TGM3: variants seen among roughly 807,000 people sequenced by gnomAD.
The protein encoded by TGM3 is protein-glutamine gamma-glutamyltransferase E.
Under a neutral mutation model 73.8 loss-of-function variants are expected in TGM3, and 52 were observed. That is an observed-to-expected ratio of 0.70 (90% CI 0.56 to 0.89). The LOEUF (loss-of-function observed/expected upper bound fraction) is 0.89, where lower values mean the gene tolerates loss of function less well. Among genes scored for constraint, TGM3 ranks in the 40% least tolerant of loss-of-function variants. TGM3 has a pLI of 0.00. For synonymous variants in TGM3, 372 were observed against 354.9 expected (o/e 1.05, Z -0.54); for missense variants, 928 against 909.9 (o/e 1.02, Z -0.26).
At position 2,311,043 on chromosome 20, in the gene TGM3, A is replaced by G; in HGVS notation, c.454A>G (p.Arg152Gly). 6.2e-7 allele frequency: 1 copy of G among 1,614,108 alleles called. No individual in the cohort carries two copies. The highest frequency in any genetic ancestry group is 8.5e-7 in the Non-Finnish European group (1 of 1,179,982). Residue 152 changes from arginine (R) to glycine (G), a missense_variant, in exon 4 of 13, where the codon AGA becomes GGA. Physicochemically the swap from Arg to Gly is moderately radical, Grantham distance 125. Transcript: ENST00000381458. Reference protein sequence around the residue: ...DSVFMGNHAEREEYVQEDAGI... With the variant: ...DSVFMGNHAEGEEYVQEDAGI... ...CGTCTTTATGGGTAACCACGCTGAGAGAGAAGAGTATGTTCAGGAAGATGC... is the reference window on the plus strand; with the variant it reads ...CGTCTTTATGGGTAACCACGCTGAGGGAGAAGAGTATGTTCAGGAAGATGC...
rs146549389 is a variant in TGM3 at position 2,321,382 on chromosome 20, T to C, written c.983+3897T>C. On this transcript the variant is annotated intron_variant, in intron 7 of 12. Coordinates refer to ENST00000381458, the MANE Select transcript of TGM3 (RefSeq NM_003245.4). ...AGTCAGAGACAGCACAGAGGTATTA[T>C]TGGCACTCTCTTGGCGTGTCAGGAA... 2.5e-3 allele frequency among the ~76,000 whole-genome samples: 382 copies of C among 152,318 alleles called. 2 individuals carry two copies. The highest frequency in any genetic ancestry group is 8.1e-3 in the African/African-American group (335 of 41,560).
In TGM3 at chr20:2,339,967, G is replaced by C. The variant is rs144898218; in HGVS notation, c.1914G>C (p.Leu638=). Residue 638 remains leucine (L), a synonymous_variant, in exon 12 of 13, where the codon CTG becomes CTC. Transcript: ENST00000381458. The part of the protein sequence containing the change: ...CVLMVEGSGL[L]LGNLKIDVPT... ...TGATGGTGGAGGGAAGCGGCCTGCTGTTGGGTAACCTGAAGATCGAGTGAG... is the reference window on the plus strand; with the variant it reads ...TGATGGTGGAGGGAAGCGGCCTGCTCTTGGGTAACCTGAAGATCGAGTGAG... 9.1e-4 allele frequency: 1,352 copies of C among 1,477,794 alleles called. 2 individuals are homozygous for C. The highest frequency in any genetic ancestry group is 1.1e-3 in the Non-Finnish European group (1,241 of 1,095,608). 91.5% of individuals were successfully genotyped at this position (1,477,794 alleles called of 1,614,324 possible).
At chr20:2,325,723 C>T (rs995993229) in intron 7 of TGM3, 126 bp from the exon 8 acceptor site, 15 of 706,348 alleles carry the variant, frequency 2.1e-5, no homozygotes, top group African/African-American at 8.7e-5. Context: ...GCATAACCGC[C>T]GTCACAGGGC....
chr20:2,335,914 G>A (rs768426633), intron 11 of TGM3, among the ~76,000 whole-genome samples: 3 of 152,206 alleles, frequency 2.0e-5, no homozygotes, highest in African/African-American at 7.2e-5. Context: ...GCTGGCCACC[G>A]CCAGAGTCAA....
intron 1 of TGM3, among the ~76,000 whole-genome samples, chr20:2,296,484 A>G (rs1297415667): frequency 7.2e-5 from 11 of 152,186 alleles, no homozygotes; most frequent in Admixed American, 5.9e-4. Context: ...GCAAAGAAGC[A>G]CATCTCAGAA....
chr20:2,299,734 A>G (rs1248481200), intron 1 of TGM3, among the ~76,000 whole-genome samples: 1 of 152,210 alleles, frequency 6.6e-6, no homozygotes, highest in African/African-American at 2.4e-5. Context: ...TTATAAGTGT[A>G]GATGATAAAC....
chr20:2,336,459 G>A (rs1010733555), intron 11 of TGM3, among the ~76,000 whole-genome samples: 1 of 151,720 alleles, frequency 6.6e-6, no homozygotes, highest in Non-Finnish European at 1.5e-5. Context: ...GGTTTCCCAA[G>A]CCCCAGAAAC....
At chr20:2,313,880 A>T (rs1235594900) in intron 5 of TGM3, among the ~76,000 whole-genome samples, 1 of 152,114 alleles carries the variant, frequency 6.6e-6, no homozygotes, top group Non-Finnish European at 1.5e-5. Flanking sequence ...ATTAAAAAAA[A>T]ACTAGCCAGG....
Position 2,309,803 on chromosome 20 carries a change from G to C in TGM3, c.154G>C (p.Glu52Gln). ...CATGAACAAAGGCCTTGGCTCTAACGAAAGACTGGAGTTCATTGTCTCCAC... is the reference window on the plus strand; with the variant it reads ...CATGAACAAAGGCCTTGGCTCTAACCAAAGACTGGAGTTCATTGTCTCCAC... ...MIMNKGLGSN[E>Q]RLEFIVSTGP... Residue 52 changes from glutamate to glutamine, a missense_variant, in exon 2 of 13, where the codon GAA (glutamate) becomes CAA (glutamine). Coordinates refer to ENST00000381458, the MANE Select transcript of TGM3 (RefSeq NM_003245.4). 2 of 1,614,188 alleles carry C rather than the reference G, an allele frequency of 1.2e-6. No homozygotes were observed. The highest frequency in any genetic ancestry group is 1.7e-6 in the Non-Finnish European group (2 of 1,180,026).
intron 7 of TGM3, among the ~76,000 whole-genome samples, chr20:2,325,090 A>AT (rs1278679321): frequency 6.6e-6 from 1 of 152,016 alleles, no homozygotes; most frequent in Non-Finnish European, 1.5e-5. Context: ...GTATAGAAAT[A>AT]TTTTTTTCCA....
chr20:2,323,553 A>G (rs1340434517), intron 7 of TGM3, among the ~76,000 whole-genome samples: 1 of 152,210 alleles, frequency 6.6e-6, no homozygotes, highest in Admixed American at 6.5e-5. Context: ...GAGTTTTTCC[A>G]TGGGAGAAAT....
chr20:2,309,585 T>A, intron 1 of TGM3, 72 bp from the exon 2 acceptor site: 1 of 1,527,932 alleles, frequency 6.5e-7, no homozygotes. Context: ...TGCTCTTTGG[T>A]AACTTACACC....
chr20:2,328,203 G>A lies in TGM3; in HGVS notation c.1171G>A (p.Ala391Thr), dbSNP rs141575267. 3.2e-5 allele frequency: 52 copies of A among 1,614,124 alleles called. No homozygotes were observed. Among genetic ancestry groups the A allele is most frequent in the Admixed American group, 6.7e-5 (4 of 60,012 alleles). ...QLNFDMPFIF[A>T]EVNADRITWL... ...GAACTTCGACATGCCCTTTATCTTC[G>A]CGGAGGTTAATGCCGACCGCATCAC... Residue 391 changes from alanine to threonine, a missense_variant, in exon 9 of 13, where the codon GCG (alanine) becomes ACG (threonine). By Grantham distance (58) the Ala-to-Thr change is moderately conservative. Transcript: ENST00000381458. The surrounding 1 kb of genome is among the most constrained non-coding windows in gnomAD (Gnocchi z 5.2).
chr20:2,340,972 A>T lies in TGM3; in HGVS notation c.*391A>T, dbSNP rs191402736. ...TGCTGATCCCCAACCTGCACGGGGCATTCCTGCTTCTCTCTCAGGCCACCA... is the reference window on the plus strand; with the variant it reads ...TGCTGATCCCCAACCTGCACGGGGCTTTCCTGCTTCTCTCTCAGGCCACCA... On this transcript the variant is annotated 3_prime_UTR_variant, in exon 13 of 13. Transcript: ENST00000381458. 522 of 462,502 alleles carry T rather than the reference A, an allele frequency of 1.1e-3. No individual in the cohort carries two copies. Among genetic ancestry groups the T allele is most frequent in the Non-Finnish European group, 1.8e-3 (415 of 231,258 alleles). 28.6% of individuals were successfully genotyped at this position (462,502 alleles called of 1,614,324 possible).
chr20:2,330,700 A>C (rs1008090028), intron 9 of TGM3, among the ~76,000 whole-genome samples: 1 of 152,194 alleles, frequency 6.6e-6, no homozygotes. Context: ...GCTGTATCGT[A>C]AAATGCTTAC....
In TGM3 at chr20:2,334,547, A is replaced by G. The variant is rs2122251904; in HGVS notation, c.1643-569A>G. ...CGGGGAGGATCCTAAGCGTTTGTTT[A>G]GCCAATACCCTGGCTTCCCTTCCTA... On this transcript the variant is annotated intron_variant, in intron 10 of 12. Transcript: ENST00000381458. This position sits in a 1 kb window ranked among gnomAD's most constrained non-coding sequence, Gnocchi z 4.0. Among the ~76,000 whole-genome samples the G allele has an allele frequency of 6.6e-6, 1 of 152,292 alleles. No individual in the cohort carries two copies. Among genetic ancestry groups the G allele is most frequent in the Non-Finnish European group, 1.5e-5 (1 of 68,010 alleles).
rs765094725 is a variant in TGM3 at position 2,339,923 on chromosome 20, C to T, written c.1870C>T (p.Pro624Ser). 1 of 1,602,106 alleles carries T rather than the reference C, an allele frequency of 6.2e-7. No individual in the cohort carries two copies. The highest frequency in any genetic ancestry group is 2.3e-5 in the East Asian group (1 of 43,904). The change falls in exon 12 of 13, where the codon CCG becomes TCG. Residue 624 changes from proline (P) to serine (S), a missense_variant. Pro to Ser is a moderately conservative substitution (Grantham distance 74). Transcript: ENST00000381458. ...QMLFSNPLDE[P>S]VRDCVLMVEG... ...GCTCTTCTCCAATCCACTGGATGAG[C>T]CGGTGAGGGACTGCGTGCTGATGGT...
At position 2,317,389 on chromosome 20, in the gene TGM3, A is replaced by C. The variant is rs768237602; in HGVS notation, c.887A>C (p.Asn296Thr). ...GGGATTCCTTCCCGGGTGATCACCA[A>C]CTTCAACTCAGCTCATGACACAGAC... is the stretch of plus-strand genomic sequence containing the variant. ...SLGIPSRVIT[N>T]FNSAHDTDRN... Residue 296 changes from asparagine (N) to threonine (T), a missense_variant, in exon 7 of 13, where the codon AAC becomes ACC. Transcript: ENST00000381458. The C allele has an allele frequency of 3.2e-5, 51 of 1,614,044 alleles. No individual in the cohort carries two copies. Among genetic ancestry groups the C allele is most frequent in the Non-Finnish European group, 4.2e-5 (50 of 1,180,030 alleles).
chr20:2,303,172 A>G (rs1407197242), intron 1 of TGM3, among the ~76,000 whole-genome samples: 2 of 152,168 alleles, frequency 1.3e-5, no homozygotes, highest in Non-Finnish European at 1.5e-5. Flanking sequence ...GTGGTGGTGC[A>G]TGCCTGTAAT....
Sources: gnomAD v4.1 joint callset for allele counts (sites outside exome capture counted in the v4.1 genomes callset) on GRCh38, gnomAD v4.1.1 for gene constraint, Gnocchi (gnomAD v3.1) non-coding constraint, MANE v1.5 for transcripts, NCBI Gene and HGNC (gene_info 2026-07-23, HGNC 2026-07-21) for gene names.